Variants in FAT3 observed in about 807,000 individuals in gnomAD.
FAT3 encodes protocadherin Fat 3.
In FAT3, 95 loss-of-function variants were observed where a neutral mutation model predicts 310.2. The ratio of observed to expected loss-of-function variants is 0.31; its 90% CI spans 0.26 to 0.36. FAT3 has a LOEUF of 0.36. FAT3 is among the 10% of genes least tolerant of loss of function. FAT3 has a pLI of 1.00. For missense variants in FAT3, 5,408 were observed against 5,715.6 expected (o/e 0.95, Z 1.74); for synonymous variants, 2,314 against 2,192.9 (o/e 1.06, Z -1.54).
chr11:92,840,508 G>A (rs1948511555), intron 17 of FAT3, 54 bp from the exon 18 acceptor site: 3 of 1,418,960 alleles, frequency 2.1e-6, no homozygotes, highest in East Asian at 2.4e-5. Context: ...TTTAATGAAT[G>A]TGAAGAGAAG....
chr11:92,248,607 T>C (rs1384966495), intron 1 of FAT3, among the ~76,000 whole-genome samples: 1 of 152,122 alleles, frequency 6.6e-6, no homozygotes, highest in Non-Finnish European at 1.5e-5. Context: ...ATTTTAAATT[T>C]ATTTTAAAGT....
At chr11:92,460,600 G>A (rs1951611617) in intron 2 of FAT3, among the ~76,000 whole-genome samples, 2 of 152,300 alleles carry the variant, frequency 1.3e-5, no homozygotes, top group South Asian at 4.1e-4. Flanking sequence ...AAGTGTATCT[G>A]TGCATGCTTG....
chr11:92,792,701 C>T, intron 8 of FAT3, 66 bp from the exon 9 acceptor site: 1 of 1,499,238 alleles, frequency 6.7e-7, no homozygotes, highest in Non-Finnish European at 9.2e-7. Flanking sequence ...TCACCCCAAA[C>T]ATAGCCATGT....
At chr11:92,568,929 C>G (rs905301612) in intron 3 of FAT3, among the ~76,000 whole-genome samples, 11 of 152,148 alleles carry the variant, frequency 7.2e-5, no homozygotes, top group Non-Finnish European at 1.5e-4. Context: ...CTTTACCTCT[C>G]TCTTCCCCTC....
chr11:92,778,143 T>A (rs2136125692), intron 7 of FAT3, among the ~76,000 whole-genome samples: 1 of 152,286 alleles, frequency 6.6e-6, no homozygotes, highest in South Asian at 2.1e-4. Flanking sequence ...TCAAGGGCTC[T>A]GTGGCCACAC....
chr11:92,799,553 C>G lies in FAT3; in HGVS notation c.6540C>G (p.Asn2180Lys). Residue 2180 changes from asparagine (N) to lysine (K), a missense_variant, in exon 10 of 28, where the codon AAC becomes AAG. This residue lies in a region of FAT3 where 4,588 missense variants were observed against 4,809.8 expected (regional missense o/e 0.95). Transcript: ENST00000525166. ...TGGAGCTTCCCATCACTATTGTCAA[C>G]AAAGCAATGCCTGTGTTTGATAAGC... ...TSVELPITIV[N>K]KAMPVFDKPF... The G allele has an allele frequency of 6.2e-7, 1 of 1,613,768 alleles. No homozygotes were observed. The highest frequency in any genetic ancestry group is 8.5e-7 in the Non-Finnish European group (1 of 1,179,834).
At chr11:92,741,387 A>G (rs542493688) in intron 4 of FAT3, among the ~76,000 whole-genome samples, 6 of 152,324 alleles carry the variant, frequency 3.9e-5, no homozygotes, top group South Asian at 4.1e-4. Flanking sequence ...CAAAGTGGTT[A>G]TAATACAGGT....
At chr11:92,266,669 C>T (rs539456376) in intron 1 of FAT3, among the ~76,000 whole-genome samples, 9 of 152,218 alleles carry the variant, frequency 5.9e-5, no homozygotes, top group African/African-American at 1.9e-4. Context: ...TGCCCATCCT[C>T]GAGTAGCAAG....
intron 4 of FAT3, among the ~76,000 whole-genome samples, chr11:92,728,598 AC>A (rs984104196): frequency 6.6e-6 from 1 of 152,180 alleles, no homozygotes; most frequent in African/African-American, 2.4e-5. Context: ...TTGGCTTAAA[AC>A]AACAAGAATT....
chr11:92,571,067 A>G (rs749573110), intron 3 of FAT3, among the ~76,000 whole-genome samples: 9 of 152,164 alleles, frequency 5.9e-5, no homozygotes, highest in Non-Finnish European at 1.2e-4. Context: ...AAAACAAACA[A>G]ACAAAAATTT....
chr11:92,271,333 T>G (rs1946117322), intron 1 of FAT3, among the ~76,000 whole-genome samples: 1 of 152,158 alleles, frequency 6.6e-6, no homozygotes, highest in Non-Finnish European at 1.5e-5. Flanking sequence ...AATATCCCTA[T>G]GTGCTTCCTT....
intron 2 of FAT3, among the ~76,000 whole-genome samples, chr11:92,411,227 T>G (rs933789896): frequency 1.1e-4 from 16 of 149,286 alleles, no homozygotes; most frequent in Non-Finnish European, 2.2e-4. Flanking sequence ...TAGACTGACC[T>G]TACTTTTCTA....
intron 1 of FAT3, among the ~76,000 whole-genome samples, chr11:92,335,863 A>G (rs184287923): frequency 3.9e-5 from 6 of 152,326 alleles, no homozygotes; most frequent in Admixed American, 3.3e-4. Flanking sequence ...TCCAAAATCA[A>G]TCCCAAAATC....
chr11:92,366,828 A>C, intron 2 of FAT3: 1 of 534,638 alleles, frequency 1.9e-6, no homozygotes, highest in Non-Finnish European at 3.8e-6. Context: ...AGGTCTGCAT[A>C]CCTGCCATCC....
intron 3 of FAT3, among the ~76,000 whole-genome samples, chr11:92,592,470 T>C (rs1409427798): frequency 6.6e-6 from 1 of 151,868 alleles, no homozygotes; most frequent in Non-Finnish European, 1.5e-5. Context: ...TACAAGCGCG[T>C]GCCACCACAG....
intron 1 of FAT3, among the ~76,000 whole-genome samples, chr11:92,351,190 C>T (rs1948555563): frequency 6.6e-6 from 1 of 152,152 alleles, no homozygotes; most frequent in Non-Finnish European, 1.5e-5. Flanking sequence ...CTGGATATCA[C>T]TCCAGTCATA....
Position 92,805,311 on chromosome 11 carries a change from G to A in FAT3, c.9055G>A (p.Val3019Ile), listed in dbSNP as rs200527898. The stretch of plus-strand genomic sequence containing the variant: ...CACACAGGCCATGGTGGAAGTGAGC[G>A]TCAGTGATGTGAATGACAATAGCCC... The part of the protein sequence containing the change: ...FVTQAMVEVS[V>I]SDVNDNSPVC... Residue 3019 changes from valine to isoleucine, a missense_variant, in exon 11 of 28, where the codon GTC becomes ATC. Around this residue, in one of 5 missense-constraint regions of FAT3, gnomAD observed 4,588 missense variants for 4,809.8 expected, o/e 0.95. Coordinates refer to ENST00000525166, the MANE Select transcript of FAT3 (RefSeq NM_001367949.2). 1.8e-5 allele frequency: 29 copies of A among 1,613,568 alleles called. No homozygotes were observed. Among genetic ancestry groups the A allele is most frequent in the Non-Finnish European group, 2.5e-5 (29 of 1,179,788 alleles).
chr11:92,863,737 C>T (rs932198863), intron 21 of FAT3, among the ~76,000 whole-genome samples: 7 of 152,192 alleles, frequency 4.6e-5, no homozygotes, highest in Admixed American at 2.0e-4. Context: ...GTGAACCCAA[C>T]TCTGAAGACA....
chr11:92,851,693 C>G (rs1948833608), intron 19 of FAT3, among the ~76,000 whole-genome samples: 1 of 152,174 alleles, frequency 6.6e-6, no homozygotes. Flanking sequence ...TTCATGCTTA[C>G]TGTGGTACCA....
Sources: allele counts gnomAD v4.1 joint callset (sites outside exome capture counted in the v4.1 genomes callset), GRCh38; gene constraint gnomAD v4.1.1; regional missense constraint gnomAD v4.1.1; transcripts MANE v1.5; gene names NCBI Gene and HGNC (gene_info 2026-07-23, HGNC 2026-07-21).